RAB3C: variants seen among roughly 807,000 people sequenced by gnomAD.
RAB3C encodes RAB3C, member RAS oncogene family.
RAB3C carries 17 observed loss-of-function variants against 26.4 expected under a neutral mutation model. That is an observed-to-expected ratio of 0.64 (90% CI 0.44 to 0.97). The LOEUF is 0.97. Among genes scored for constraint, RAB3C ranks in the 50% least tolerant of loss-of-function variants. RAB3C has a pLI of 0.00. For missense variants in RAB3C, 242 were observed against 281.9 expected (o/e 0.86, Z 1.01); for synonymous variants, 91 against 95.9 (o/e 0.95, Z 0.30).
At chr5:58,641,447 T>A (rs1747410688) in intron 2 of RAB3C, among the ~76,000 whole-genome samples, 1 of 152,176 alleles carries the variant, frequency 6.6e-6, no homozygotes, top group Admixed American at 6.5e-5. Context: ...ACACCAGAAA[T>A]AGCATGGAAA....
rs1480049217 is a variant in RAB3C at position 58,851,356 on chromosome 5, C to A, written c.*5C>A. The A allele has an allele frequency of 1.3e-6, 2 of 1,582,622 alleles. No homozygotes were observed. Among genetic ancestry groups the A allele is most frequent in the Admixed American group, 1.9e-5 (1 of 53,468 alleles). ...CAGCCCAACTGTGCCTGCTAGTGTC[C>A]CCGTGCACACAGGCAGCTCCAGGGG... is the stretch of plus-strand genomic sequence containing the variant. On this transcript the variant is annotated 3_prime_UTR_variant, in exon 5 of 5. Transcript: ENST00000282878.
intron 4 of RAB3C, among the ~76,000 whole-genome samples, chr5:58,846,485 C>T (rs558910533): frequency 6.6e-6 from 1 of 152,190 alleles, no homozygotes; most frequent in Non-Finnish European, 1.5e-5. Context: ...GCTCAGTGGT[C>T]CTCCCACCTC....
intron 2 of RAB3C, among the ~76,000 whole-genome samples, chr5:58,717,094 G>T (rs1472710889): frequency 6.6e-6 from 1 of 152,000 alleles, no homozygotes; most frequent in Non-Finnish European, 1.5e-5. Flanking sequence ...TCCGTATTTT[G>T]TTCAGTTTTG....
chr5:58,670,603 G>A (rs1748095477), intron 2 of RAB3C, among the ~76,000 whole-genome samples: 1 of 152,156 alleles, frequency 6.6e-6, no homozygotes, highest in African/African-American at 2.4e-5. Flanking sequence ...GAAAAGTGTG[G>A]AAATGTTATC....
At chr5:58,810,593 T>C (rs1743054009) in intron 3 of RAB3C, among the ~76,000 whole-genome samples, 1 of 152,134 alleles carries the variant, frequency 6.6e-6, no homozygotes, top group South Asian at 2.1e-4. Context: ...TTTTAGTTCA[T>C]GTATTGCTCT....
At chr5:58,681,297 T>C (rs1199894849) in intron 2 of RAB3C, among the ~76,000 whole-genome samples, 1 of 152,198 alleles carries the variant, frequency 6.6e-6, no homozygotes, top group Non-Finnish European at 1.5e-5. Flanking sequence ...TCCACAATCA[T>C]TACAGATGAA....
At chr5:58,777,320 T>C (rs928776182) in intron 3 of RAB3C, among the ~76,000 whole-genome samples, 2 of 152,132 alleles carry the variant, frequency 1.3e-5, no homozygotes, top group African/African-American at 4.8e-5. Context: ...ACTTCCTTCT[T>C]TCTTCAAACA....
intron 3 of RAB3C, among the ~76,000 whole-genome samples, chr5:58,797,398 C>T (rs867455064): frequency 0.016 from 1,960 of 120,928 alleles, 85 homozygotes; most frequent in African/African-American, 0.067. Context: ...TATATATATA[C>T]ACAGAGAGAG....
chr5:58,815,091 T>C (rs983460217), intron 3 of RAB3C, among the ~76,000 whole-genome samples: 4 of 152,148 alleles, frequency 2.6e-5, no homozygotes, highest in African/African-American at 9.7e-5. Flanking sequence ...TCTATGCATA[T>C]TGAAGCATTT....
chr5:58,680,076 T>G (rs1041034585), intron 2 of RAB3C, among the ~76,000 whole-genome samples: 1 of 152,188 alleles, frequency 6.6e-6, no homozygotes, highest in African/African-American at 2.4e-5. Context: ...ACCTTGTTAA[T>G]GAATGGTAGT....
At chr5:58,650,100 C>T (rs956816823) in intron 2 of RAB3C, among the ~76,000 whole-genome samples, 1 of 152,110 alleles carries the variant, frequency 6.6e-6, no homozygotes, top group Admixed American at 6.6e-5. Flanking sequence ...AAAGAAATTG[C>T]ATAATATTGC....
chr5:58,816,434 G>A (rs1374632143), intron 3 of RAB3C, among the ~76,000 whole-genome samples: 1 of 152,166 alleles, frequency 6.6e-6, no homozygotes, highest in African/African-American at 2.4e-5. Flanking sequence ...CTGCTCCTGA[G>A]TGTGTTATTT....
chr5:58,817,690 C>A (rs62356570), intron 3 of RAB3C, among the ~76,000 whole-genome samples: 2 of 152,088 alleles, frequency 1.3e-5, no homozygotes, highest in South Asian at 4.1e-4. Flanking sequence ...TACAAATCAC[C>A]TGGAGATTTC....
At chr5:58,625,461 CATTATAT>C (rs758875115) in intron 2 of RAB3C, among the ~76,000 whole-genome samples, 4 of 152,132 alleles carry the variant, frequency 2.6e-5, no homozygotes, top group Admixed American at 6.5e-5. Context: ...CAAATCATGA[CATTATAT>C]TCCATCCAGA....
intron 1 of RAB3C, among the ~76,000 whole-genome samples, chr5:58,604,802 G>A (rs1017423133): frequency 6.6e-6 from 1 of 152,178 alleles, no homozygotes; most frequent in Non-Finnish European, 1.5e-5. Context: ...ATTCAGATTT[G>A]TGCTCTTCCC....
At position 58,640,259 on chromosome 5, in the gene RAB3C, C is replaced by G. The variant is rs942828834; in HGVS notation, c.252+22389C>G. Among the ~76,000 whole-genome samples the G allele has an allele frequency of 2.6e-5, 4 of 152,280 alleles. No homozygotes were observed. The South Asian group carries it at 6.2e-4, about 24-fold the overall frequency. ...TTCCAGCTGCTGGCAGCCAATATGTCTGCCTGCTTTGGAGCTATTTTTCAT... is the reference window on the plus strand; with the variant it reads ...TTCCAGCTGCTGGCAGCCAATATGTGTGCCTGCTTTGGAGCTATTTTTCAT... On this transcript the variant is annotated intron_variant, in intron 2 of 4. Coordinates refer to ENST00000282878, the MANE Select transcript of RAB3C (RefSeq NM_138453.4).
chr5:58,688,544 A>G (rs1166461426), intron 2 of RAB3C, among the ~76,000 whole-genome samples: 1 of 152,180 alleles, frequency 6.6e-6, no homozygotes, highest in Non-Finnish European at 1.5e-5. Flanking sequence ...CTTTACATAA[A>G]GTAACAATCT....
rs764165227 is a variant in RAB3C at position 58,851,480 on chromosome 5, G to C, written c.*129G>C. The C allele has an allele frequency of 1.5e-6, 1 of 666,994 alleles. No individual in the cohort carries two copies. Among genetic ancestry groups the C allele is most frequent in the Non-Finnish European group, 2.3e-6 (1 of 431,520 alleles). The allele number at this position is 666,994 out of a possible 1,614,324, so 41.3% of individuals were successfully genotyped here. On this transcript the variant is annotated 3_prime_UTR_variant, in exon 5 of 5. Transcript: ENST00000282878. ...AGGAATAAATTGATGTCAATGGCTC[G>C]TACGCATTCAATTCTTGGGAGCTTT...
intron 2 of RAB3C, among the ~76,000 whole-genome samples, chr5:58,667,160 A>G (rs905949810): frequency 1.6e-4 from 24 of 152,156 alleles, no homozygotes; most frequent in Non-Finnish European, 3.1e-4. Context: ...TTACGCACTG[A>G]TGACACTAAC....
Sources: gnomAD v4.1 joint callset for allele counts (sites outside exome capture counted in the v4.1 genomes callset) on GRCh38, gnomAD v4.1.1 for gene constraint, MANE v1.5 for transcripts, NCBI Gene and HGNC (gene_info 2026-07-23, HGNC 2026-07-21) for gene names.